The following GMPR variants were observed in gnomAD, a reference collection of about 807,000 sequenced individuals.
The protein encoded by GMPR is guanosine monophosphate reductase, also known as GMP reductase 1.
In GMPR, 31 loss-of-function variants were observed where a neutral mutation model predicts 38.4. The observed-to-expected ratio is 0.81, with a 90% confidence interval of 0.61 to 1.09. The LOEUF is 1.09. Among genes scored for constraint, GMPR ranks in the 50% least tolerant of loss-of-function variants. GMPR has a pLI of 0.00. For missense variants in GMPR, 468 were observed against 453.7 expected (o/e 1.03, Z -0.29); for synonymous variants, 162 against 173.3 (o/e 0.93, Z 0.51).
Position 16,247,927 on chromosome 6 carries a change from G to C in GMPR, c.207+966G>C, listed in dbSNP as rs369885631. ...CACCAGCCTAATTTTCTGTAAAGAG[G>C]GTAGCTAATATCCTTGCTTTGGCTG... On this transcript the variant is annotated intron_variant, in intron 2 of 8. Coordinates refer to ENST00000259727, the MANE Select transcript of GMPR (RefSeq NM_006877.4). Among the ~76,000 whole-genome samples, 24 of 152,176 alleles carry C rather than the reference G, an allele frequency of 1.6e-4. No homozygotes were observed. In the East Asian group the frequency reaches 3.7e-3, roughly 23 times the overall value.
chr6:16,256,107 T>C (rs1356026841), intron 4 of GMPR, among the ~76,000 whole-genome samples: 1 of 151,574 alleles, frequency 6.6e-6, no homozygotes, highest in Non-Finnish European at 1.5e-5. Context: ...TCCCAGCTAC[T>C]TAGGAGGCTG....
rs1424281157 is a variant in GMPR at position 16,254,618 on chromosome 6, C to G, written c.348C>G (p.Ile116Met). The G allele has an allele frequency of 6.2e-7, 1 of 1,613,678 alleles. No individual in the cohort carries two copies. Among genetic ancestry groups the G allele is most frequent in the Non-Finnish European group, 8.5e-7 (1 of 1,179,668 alleles). Residue 116 changes from isoleucine (I) to methionine (M), a missense_variant, in exon 4 of 9, where the codon ATC (isoleucine) becomes ATG (methionine). Transcript: ENST00000259727. ...ATGATCTGGAAAAGATGACCAGCAT[C>G]CTGGAAGCTGTGCCACAGGTTAAGT... is the stretch of plus-strand genomic sequence containing the variant. Reference protein sequence around the residue: ...GQNDLEKMTSILEAVPQVKFI... With the variant: ...GQNDLEKMTSMLEAVPQVKFI...
At chr6:16,242,545 T>C (rs1000215132) in intron 1 of GMPR, among the ~76,000 whole-genome samples, 3 of 152,310 alleles carry the variant, frequency 2.0e-5, no homozygotes, top group Admixed American at 6.5e-5. Context: ...TTCTGCTGGT[T>C]TGCTGACAGT....
chr6:16,240,986 G>A (rs940151990), intron 1 of GMPR, among the ~76,000 whole-genome samples: 3 of 152,170 alleles, frequency 2.0e-5, no homozygotes, highest in East Asian at 3.9e-4. Context: ...CCTCGGTGGC[G>A]TTGAGGGATC....
chr6:16,267,691 C>T (rs1190568668), intron 4 of GMPR, among the ~76,000 whole-genome samples: 1 of 152,188 alleles, frequency 6.6e-6, no homozygotes, highest in Admixed American at 6.5e-5. Context: ...GGAACCAATT[C>T]CAGACATACT....
At chr6:16,250,432 C>G in intron 3 of GMPR, 65 bp downstream of exon 3, 1 of 913,324 alleles carries the variant, frequency 1.1e-6, no homozygotes, top group Admixed American at 1.7e-5. Flanking sequence ...TCAGAGCTGT[C>G]AAGAGGATTT....
intron 8 of GMPR, 43 bp downstream of exon 8, chr6:16,290,664 G>A: frequency 6.3e-7 from 1 of 1,575,114 alleles, no homozygotes. Context: ...GCCTGGCCTT[G>A]CTTTTCTTAC....
chr6:16,266,918 G>A (rs1759257009), intron 4 of GMPR, among the ~76,000 whole-genome samples: 1 of 152,112 alleles, frequency 6.6e-6, no homozygotes. Context: ...TTTAAGAGCT[G>A]TAACACTCAC....
intron 7 of GMPR, chr6:16,289,434 T>G (rs1031378159): frequency 3.3e-5 from 5 of 152,306 alleles, no homozygotes; most frequent in African/African-American, 1.2e-4. Flanking sequence ...AGCTAATCAT[T>G]CAGCGTCTAT....
intron 6 of GMPR, among the ~76,000 whole-genome samples, chr6:16,279,729 C>T (rs559081606): frequency 4.6e-5 from 7 of 152,208 alleles, no homozygotes; most frequent in African/African-American, 1.7e-4. Flanking sequence ...GAGGGGCAGG[C>T]GTGAGGGGCA....
intron 4 of GMPR, among the ~76,000 whole-genome samples, chr6:16,261,208 G>A (rs190458697): frequency 4.6e-5 from 7 of 152,110 alleles, no homozygotes; most frequent in African/African-American, 1.7e-4. Flanking sequence ...GAAAGGAGTT[G>A]CTGTTTTGTA....
chr6:16,288,302 A>T (rs1450661256), intron 7 of GMPR, among the ~76,000 whole-genome samples: 2 of 152,250 alleles, frequency 1.3e-5, no homozygotes, highest in Non-Finnish European at 2.9e-5. Flanking sequence ...CTTGCGGGCC[A>T]GCTGGAGTTC....
intron 4 of GMPR, among the ~76,000 whole-genome samples, chr6:16,260,436 G>T (rs1022040775): frequency 5.3e-5 from 8 of 152,022 alleles, no homozygotes; most frequent in African/African-American, 1.9e-4. Flanking sequence ...TACTTATCCA[G>T]TGAAAGTGTC....
intron 6 of GMPR, among the ~76,000 whole-genome samples, chr6:16,284,928 A>G (rs1479841065): frequency 1.3e-5 from 2 of 149,518 alleles, no homozygotes; most frequent in African/African-American, 4.9e-5. Flanking sequence ...CTGAGGCAGG[A>G]GAATTGCTTG....
intron 7 of GMPR, among the ~76,000 whole-genome samples, chr6:16,286,676 C>T (rs1196877151): frequency 1.3e-5 from 2 of 151,758 alleles, no homozygotes; most frequent in Non-Finnish European, 2.9e-5. Flanking sequence ...TTTGGGAGGC[C>T]GAGGTGGGCA....
chr6:16,266,803 CAAA>C (rs559121473), intron 4 of GMPR, among the ~76,000 whole-genome samples: 3 of 150,036 alleles, frequency 2.0e-5, no homozygotes, highest in South Asian at 4.2e-4. Flanking sequence ...AACAAACAAA[CAAA>C]AAAAGAGCTG....
intron 4 of GMPR, among the ~76,000 whole-genome samples, chr6:16,265,798 A>G (rs1359171730): frequency 6.6e-6 from 1 of 151,500 alleles, no homozygotes; most frequent in Non-Finnish European, 1.5e-5. Context: ...CAGCCCGGAT[A>G]ACCCACTCCG....
chr6:16,293,972 A>C (rs1409130148), intron 8 of GMPR, among the ~76,000 whole-genome samples: 2 of 152,208 alleles, frequency 1.3e-5, no homozygotes, highest in Non-Finnish European at 2.9e-5. Flanking sequence ...ATATACACAT[A>C]TTCTGGTAAT....
At chr6:16,279,996 G>T (rs898752538) in intron 6 of GMPR, among the ~76,000 whole-genome samples, 1 of 152,238 alleles carries the variant, frequency 6.6e-6, no homozygotes, top group African/African-American at 2.4e-5. Context: ...TGACATTTGG[G>T]AGGCAGAATT....
Sources: gnomAD v4.1 joint callset for allele counts (sites outside exome capture counted in the v4.1 genomes callset) on GRCh38, gnomAD v4.1.1 for gene constraint, MANE v1.5 for transcripts, NCBI Gene and HGNC (gene_info 2026-07-23, HGNC 2026-07-21) for gene names.